Variants in CERS3 observed in about 807,000 individuals in gnomAD.
The protein encoded by CERS3 is ceramide synthase 3.
CERS3 carries 33 observed loss-of-function variants against 50.3 expected under a neutral mutation model. The ratio of observed to expected loss-of-function variants is 0.66; its 90% CI spans 0.50 to 0.88. The LOEUF is 0.88. CERS3 is among the 40% of genes least tolerant of loss of function. CERS3 has a pLI of 0.00. For synonymous variants in CERS3, 176 were observed against 155.2 expected, an observed-to-expected ratio of 1.13 and a Z score of -0.99; for missense variants, 470 against 460.3, an observed-to-expected ratio of 1.02 and a Z score of -0.19.
intron 8 of CERS3, among the ~76,000 whole-genome samples, chr15:100,475,294 T>G (rs1567645938): frequency 6.6e-6 from 1 of 152,356 alleles, no homozygotes; most frequent in East Asian, 1.9e-4. Flanking sequence ...TCCCTTATAA[T>G]GGCCACCATC....
chr15:100,466,963 C>T (rs1390183418), intron 10 of CERS3, among the ~76,000 whole-genome samples: 1 of 151,732 alleles, frequency 6.6e-6, no homozygotes, highest in African/African-American at 2.4e-5. Flanking sequence ...AAGCACTTTT[C>T]CTGCCTCAGG....
intron 1 of CERS3, among the ~76,000 whole-genome samples, chr15:100,536,403 G>C (rs561139910): frequency 6.6e-6 from 1 of 152,256 alleles, no homozygotes; most frequent in African/African-American, 2.4e-5. Flanking sequence ...TCCTACTTTA[G>C]CCTCCCAAGT....
At position 100,414,377 on chromosome 15, in the gene CERS3, C is replaced by A. The variant is rs540818711; in HGVS notation, c.1000-11512G>T. Among the ~76,000 whole-genome samples the A allele has an allele frequency of 3.9e-5, 6 of 152,218 alleles. No homozygotes were observed. In the South Asian group the frequency reaches 1.0e-3, roughly 26 times the overall value. ...CCCAAAGTAATTTACAGATTCAATG[C>A]TATTCCCATTAAACTACCATTGACA... On this transcript the variant is annotated intron_variant, in intron 11 of 11. Transcript: ENST00000679737.
At chr15:100,429,222 G>A (rs904345646) in intron 11 of CERS3, among the ~76,000 whole-genome samples, 5 of 152,150 alleles carry the variant, frequency 3.3e-5, no homozygotes, top group African/African-American at 9.7e-5. Flanking sequence ...CTTCTGCACC[G>A]GGGGAGCTGG....
At chr15:100,483,881 C>A (rs924138258) in intron 5 of CERS3, among the ~76,000 whole-genome samples, 1 of 148,856 alleles carries the variant, frequency 6.7e-6, no homozygotes, top group Admixed American at 6.7e-5. Flanking sequence ...CCCAGGTTCA[C>A]GCCATTCTCC....
chr15:100,424,701 T>G (rs577222853), intron 11 of CERS3, among the ~76,000 whole-genome samples: 1 of 152,354 alleles, frequency 6.6e-6, no homozygotes, highest in East Asian at 1.9e-4. Context: ...TGACAGCATA[T>G]GCTCATCTGC....
intron 11 of CERS3, among the ~76,000 whole-genome samples, chr15:100,446,075 G>A (rs982705074): frequency 1.3e-5 from 2 of 150,260 alleles, no homozygotes; most frequent in East Asian, 2.0e-4. Flanking sequence ...CCTATAAAAC[G>A]GCCCCACCCC....
chr15:100,472,811 T>G, intron 9 of CERS3, 113 bp downstream of exon 9: 1 of 1,175,150 alleles, frequency 8.5e-7, no homozygotes, highest in East Asian at 2.4e-5. Flanking sequence ...TCTCAGAATT[T>G]GGGTGTTTTC....
intron 1 of CERS3, chr15:100,544,393 TCCGC>T: frequency 7.1e-6 from 1 of 141,240 alleles, no homozygotes; most frequent in East Asian, 2.0e-4. Context: ...GGCCTTGACC[TCCGC>T]GGGGACACGG....
chr15:100,540,561 C>T (rs924675186), intron 1 of CERS3, among the ~76,000 whole-genome samples: 1 of 152,138 alleles, frequency 6.6e-6, no homozygotes, highest in East Asian at 1.9e-4. Context: ...AAAAAATTAA[C>T]CTTTCTCTTC....
chr15:100,462,999 T>G (rs1228716386), intron 10 of CERS3, among the ~76,000 whole-genome samples: 8 of 152,202 alleles, frequency 5.3e-5, no homozygotes, highest in Non-Finnish European at 1.2e-4. Flanking sequence ...CACAAGGAAT[T>G]ATTTAGTTGA....
intron 11 of CERS3, among the ~76,000 whole-genome samples, chr15:100,438,360 T>G (rs1216955292): frequency 6.6e-6 from 1 of 152,132 alleles, no homozygotes; most frequent in African/African-American, 2.4e-5. Flanking sequence ...TCACTATTTA[T>G]TTTTATTTTT....
chr15:100,419,744 A>C (rs201802169), intron 11 of CERS3, among the ~76,000 whole-genome samples: 54,342 of 149,534 alleles, frequency 0.36, 10,474 homozygotes, highest in East Asian at 0.55. Flanking sequence ...CTCAGACCAC[A>C]GTGCAATCAA....
At chr15:100,502,286 AG>A (rs199968466) in intron 2 of CERS3, among the ~76,000 whole-genome samples, 3,094 of 149,822 alleles carry the variant, frequency 0.021, 43 homozygotes, top group Admixed American at 0.031. Context: ...AAAGAAAGAA[AG>A]AAAATAAGGC....
At chr15:100,538,572 T>C (rs1306464070) in intron 1 of CERS3, among the ~76,000 whole-genome samples, 2 of 152,240 alleles carry the variant, frequency 1.3e-5, no homozygotes, top group East Asian at 1.9e-4. Flanking sequence ...CTGGGCTCTA[T>C]GTTGGTCCCT....
At chr15:100,439,975 C>T (rs543247146) in intron 11 of CERS3, among the ~76,000 whole-genome samples, 1 of 152,314 alleles carries the variant, frequency 6.6e-6, no homozygotes, top group South Asian at 2.1e-4. Context: ...AGAGATCAGA[C>T]ATAGGAAAAT....
Position 100,402,629 on chromosome 15 carries a change from T to G in CERS3, c.*84A>C. ...TGGTGAGAAAGAGGGAAGGGCAGAATGTGGGGTCGGTGTGGGGCCTGGAAG... is the reference window on the plus strand; with the variant it reads ...TGGTGAGAAAGAGGGAAGGGCAGAAGGTGGGGTCGGTGTGGGGCCTGGAAG... On this transcript the variant is annotated 3_prime_UTR_variant, in exon 12 of 12. Transcript: ENST00000679737. 7.4e-7 allele frequency: 1 copy of G among 1,348,986 alleles called. No homozygotes were observed. Among genetic ancestry groups the G allele is most frequent in the Non-Finnish European group, 1.0e-6 (1 of 981,262 alleles). The allele number at this position is 1,348,986 out of a possible 1,614,324, so 83.6% of individuals were successfully genotyped here. A position where few individuals can be genotyped will look rare whatever the true frequency, so the allele number is the denominator to read the frequency against.
chr15:100,437,137 G>A (rs1488405706), intron 11 of CERS3, among the ~76,000 whole-genome samples: 6 of 151,966 alleles, frequency 3.9e-5, no homozygotes, highest in Non-Finnish European at 1.5e-5. Context: ...AGTAGAGACA[G>A]TGTTTCACCG....
chr15:100,471,060 C>T (rs572840400), intron 9 of CERS3, among the ~76,000 whole-genome samples: 3 of 152,192 alleles, frequency 2.0e-5, no homozygotes, highest in Admixed American at 1.3e-4. Flanking sequence ...CCTGCCACCA[C>T]TTAATATTTT....
Sources: allele counts gnomAD v4.1 joint callset (sites outside exome capture counted in the v4.1 genomes callset), GRCh38; gene constraint gnomAD v4.1.1; transcripts MANE v1.5; gene names NCBI Gene and HGNC (gene_info 2026-07-23, HGNC 2026-07-21).